The following ACMSD variants were observed in gnomAD, a reference collection of about 807,000 sequenced individuals.
ACMSD encodes the protein aminocarboxymuconate semialdehyde decarboxylase.
A neutral mutation model predicts 45.9 loss-of-function variants in ACMSD; 37 were observed. The observed-to-expected ratio is 0.81, with a 90% CI of 0.62 to 1.06. The LOEUF (loss-of-function observed/expected upper bound fraction) is 1.06, where lower values mean the gene tolerates loss of function less well. Ranked by LOEUF, ACMSD falls within the 50% of genes least tolerant of loss-of-function variation. The pLI is 0.00. For missense variants in ACMSD, 434 were observed against 420.9 expected (o/e 1.03, Z -0.27); for synonymous variants, 138 against 148.8 (o/e 0.93, Z 0.53).
chr2:134,854,027 T>C (rs1005734687), intron 2 of ACMSD, among the ~76,000 whole-genome samples: 2 of 152,220 alleles, frequency 1.3e-5, no homozygotes, highest in African/African-American at 2.4e-5. Flanking sequence ...CAGCTAAGCA[T>C]ATGGCCTTGG....
At chr2:134,874,675 A>G (rs532051547) in intron 8 of ACMSD, among the ~76,000 whole-genome samples, 101 of 152,324 alleles carry the variant, frequency 6.6e-4, no homozygotes, top group Admixed American at 1.0e-3. Context: ...ATAGAAAATT[A>G]AGCTAATGAA....
chr2:134,862,955 G>A, intron 4 of ACMSD: 1 of 985,424 alleles, frequency 1.0e-6, no homozygotes, highest in Non-Finnish European at 1.2e-6. Flanking sequence ...GCAGGGGCAG[G>A]ACAAGTCAGT....
At chr2:134,860,195 G>A (rs566608272) in intron 3 of ACMSD, among the ~76,000 whole-genome samples, 8 of 152,264 alleles carry the variant, frequency 5.3e-5, no homozygotes, top group South Asian at 2.1e-4. Context: ...CCCAGGAGGC[G>A]GAGTTTGCAG....
intron 9 of ACMSD, 128 bp from the exon 10 acceptor site, chr2:134,901,670 A>T: frequency 2.0e-6 from 1 of 505,356 alleles, no homozygotes; most frequent in Non-Finnish European, 3.4e-6. Context: ...TAAGAGATTC[A>T]CTGTATAACC....
chr2:134,843,622 C>T (rs570113032), intron 1 of ACMSD, among the ~76,000 whole-genome samples: 1 of 152,240 alleles, frequency 6.6e-6, no homozygotes, highest in South Asian at 2.1e-4. Context: ...AACTGCTGTA[C>T]CCTGGCCTCA....
At chr2:134,872,772 G>A in intron 8 of ACMSD, 131 bp downstream of exon 8, 1 of 1,115,866 alleles carries the variant, frequency 9.0e-7, no homozygotes, top group Non-Finnish European at 1.3e-6. Flanking sequence ...GAGAGACAGT[G>A]AGGTTTGGGA....
chr2:134,850,238 G>A (rs1487429340), intron 2 of ACMSD, among the ~76,000 whole-genome samples: 1 of 151,630 alleles, frequency 6.6e-6, no homozygotes, highest in East Asian at 1.9e-4. Flanking sequence ...GATATATATG[G>A]GTATTCTGAA....
Position 134,863,549 on chromosome 2 carries a change from A to G in ACMSD, c.404A>G (p.Glu135Gly), listed in dbSNP as rs1687946308. Residue 135 changes from glutamate (E) to glycine (G), a missense_variant, in exon 5 of 10, where the codon GAG (glutamate) becomes GGG (glycine). Glu to Gly is a moderately conservative substitution (Grantham distance 98). Coordinates refer to ENST00000356140, the MANE Select transcript of ACMSD (RefSeq NM_138326.3). ...AAGGAGATGGAGCGCTGTGTGAAAG[A>G]GCTGGGCTTTCCCGGGGTCCAAATT... ...AVKEMERCVK[E>G]LGFPGVQIGT... 1 of 1,614,162 alleles carries G rather than the reference A, an allele frequency of 6.2e-7. No homozygotes were observed. The highest frequency in any genetic ancestry group is 1.1e-5 in the South Asian group (1 of 91,082).
At chr2:134,889,613 T>C (rs1001411808) in intron 8 of ACMSD, among the ~76,000 whole-genome samples, 5 of 152,116 alleles carry the variant, frequency 3.3e-5, no homozygotes, top group African/African-American at 9.7e-5. Context: ...CATAGCAACA[T>C]TGTATTAGGT....
intron 8 of ACMSD, among the ~76,000 whole-genome samples, chr2:134,893,000 A>G (rs918831212): frequency 3.3e-5 from 5 of 152,258 alleles, no homozygotes; most frequent in African/African-American, 1.2e-4. Flanking sequence ...ACAGAGAAGA[A>G]GTAAGTAGTT....
intron 8 of ACMSD, among the ~76,000 whole-genome samples, chr2:134,882,436 G>A (rs1214382710): frequency 1.3e-5 from 2 of 152,156 alleles, no homozygotes; most frequent in Non-Finnish European, 2.9e-5. Flanking sequence ...GGCAGAGTTG[G>A]TGTGACGAGT....
intron 5 of ACMSD, among the ~76,000 whole-genome samples, chr2:134,866,622 A>T (rs1422149776): frequency 1.3e-5 from 2 of 152,226 alleles, no homozygotes; most frequent in Non-Finnish European, 2.9e-5. Context: ...CACAAGTCAC[A>T]TTGCATCAGC....
intron 8 of ACMSD, among the ~76,000 whole-genome samples, chr2:134,882,701 T>C (rs1312757538): frequency 6.6e-6 from 1 of 152,200 alleles, no homozygotes; most frequent in Non-Finnish European, 1.5e-5. Context: ...TATAACAGAG[T>C]ATGCTGTATT....
intron 8 of ACMSD, among the ~76,000 whole-genome samples, chr2:134,881,136 G>A (rs1162407846): frequency 6.6e-6 from 1 of 152,162 alleles, no homozygotes; most frequent in Non-Finnish European, 1.5e-5. Flanking sequence ...GAGTAGCTGG[G>A]ATTACAGGCA....
At chr2:134,872,386 A>G in intron 7 of ACMSD, 83 bp from the exon 8 acceptor site, 5 of 1,515,052 alleles carry the variant, frequency 3.3e-6, no homozygotes, top group Non-Finnish European at 3.6e-6. Context: ...GCTGGCCTAC[A>G]GTAACTTCTT....
chr2:134,897,885 GTTTTTT>G (rs539416140), intron 8 of ACMSD, among the ~76,000 whole-genome samples: 173 of 133,174 alleles, frequency 1.3e-3, no homozygotes, highest in African/African-American at 4.3e-3. Context: ...TTTTGTTTTT[GTTTTTT>G]TTTTTTTACT....
intron 8 of ACMSD, among the ~76,000 whole-genome samples, chr2:134,891,112 T>C (rs1205011606): frequency 6.6e-6 from 1 of 152,146 alleles, no homozygotes; most frequent in African/African-American, 2.4e-5. Context: ...AATTATTTCT[T>C]TTGCTGTGCA....
At chr2:134,892,083 G>C (rs74265413) in intron 8 of ACMSD, among the ~76,000 whole-genome samples, 68,440 of 151,880 alleles carry the variant, frequency 0.45, 16,047 homozygotes, top group Middle Eastern at 0.81. Flanking sequence ...TGGAAGGGTG[G>C]GAGGGTGGAT....
At chr2:134,885,290 T>TATTTATATA (rs374618397) in intron 8 of ACMSD, among the ~76,000 whole-genome samples, 3 of 45,434 alleles carry the variant, frequency 6.6e-5, no homozygotes, top group South Asian at 1.0e-3. Flanking sequence ...ATATATTATA[T>TATTTATATA]TTATATATAT....
Sources: gnomAD v4.1 joint callset for allele counts (sites outside exome capture counted in the v4.1 genomes callset) on GRCh38, gnomAD v4.1.1 for gene constraint, MANE v1.5 for transcripts, NCBI Gene and HGNC (gene_info 2026-07-23, HGNC 2026-07-21) for gene names.